COIL: variants seen among roughly 807,000 people sequenced by gnomAD.
COIL encodes coilin p80.
COIL carries 28 observed loss-of-function variants against 51.6 expected under a neutral mutation model. That is an observed-to-expected ratio of 0.54 (90% confidence interval 0.40 to 0.74). The LOEUF (loss-of-function observed/expected upper bound fraction) is 0.74, where lower values mean the gene tolerates loss of function less well. Among genes scored for constraint, COIL ranks in the 30% least tolerant of loss-of-function variants. The pLI is 0.00. For missense variants in COIL, 667 were observed against 685.9 expected, an observed-to-expected ratio of 0.97 and a Z score of 0.31; for synonymous variants, 233 against 255.8, an observed-to-expected ratio of 0.91 and a Z score of 0.85.
intron 1 of COIL, among the ~76,000 whole-genome samples, chr17:56,956,626 C>T (rs1335609251): frequency 6.6e-6 from 1 of 152,008 alleles, no homozygotes; most frequent in Admixed American, 6.6e-5. Context: ...GGGTCTCACT[C>T]TGTCGCCCAG....
chr17:56,950,440 C>A lies in COIL; in HGVS notation c.802G>T (p.Ala268Ser). 1 of 1,614,182 alleles carries A rather than the reference C, an allele frequency of 6.2e-7. No homozygotes were observed. The highest frequency in any genetic ancestry group is 8.5e-7 in the Non-Finnish European group (1 of 1,180,038). ...GGTAATTTCTCTGAGGAATTTCTGG[C>A]CTCCAAAGTGACTTTGCTGGGACCA... ...SDGPSKVTLE[A>S]RNSSEKLPTE... Residue 268 changes from alanine to serine, a missense_variant, in exon 2 of 7, where the codon GCC (alanine) becomes TCC (serine). Physicochemically the swap from Ala to Ser is moderately conservative, Grantham distance 99. Coordinates refer to ENST00000240316, the MANE Select transcript of COIL (RefSeq NM_004645.3).
intron 6 of COIL, among the ~76,000 whole-genome samples, chr17:56,939,727 G>A (rs1910110454): frequency 1.3e-5 from 2 of 152,138 alleles, no homozygotes; most frequent in Non-Finnish European, 2.9e-5. Context: ...GTGACAGAGT[G>A]AAACTCTGTG....
rs758916416 is a variant in COIL at position 56,950,035 on chromosome 17, A to C, written c.1207T>G (p.Ser403Ala). 3 of 1,614,074 alleles carry C rather than the reference A, an allele frequency of 1.9e-6. No homozygotes were observed. In the Admixed American group the frequency reaches 5.0e-5, roughly 27 times the overall value. ...RGWGREENLF[S>A]WKGAKGRGMR... ...CCCCGTCCCTTAGCTCCCTTCCAAG[A>C]AAAAAGGTTCTCTTCTCTACCCCAT... Residue 403 changes from serine to alanine, a missense_variant, in exon 2 of 7, where the codon TCT becomes GCT. Coordinates refer to ENST00000240316, the MANE Select transcript of COIL (RefSeq NM_004645.3).
intron 1 of COIL, among the ~76,000 whole-genome samples, chr17:56,957,931 A>C (rs1910513570): frequency 6.6e-6 from 1 of 152,230 alleles, no homozygotes; most frequent in Admixed American, 6.5e-5. Flanking sequence ...AGGAAACAGC[A>C]GTGGAACACA....
At chr17:56,953,886 C>T (rs1362240880) in intron 1 of COIL, among the ~76,000 whole-genome samples, 1 of 152,150 alleles carries the variant, frequency 6.6e-6, no homozygotes, top group Non-Finnish European at 1.5e-5. Flanking sequence ...TATAAAAACA[C>T]ATTCCCCTCT....
intron 6 of COIL, 127 bp from the exon 7 acceptor site, chr17:56,939,281 A>G: frequency 1.3e-5 from 8 of 635,266 alleles, no homozygotes; most frequent in Non-Finnish European, 2.3e-5. Flanking sequence ...GTTCCAATAA[A>G]CTGAGTTCAA....
At chr17:56,955,309 C>T (rs1263305425) in intron 1 of COIL, among the ~76,000 whole-genome samples, 3 of 152,152 alleles carry the variant, frequency 2.0e-5, no homozygotes, top group African/African-American at 4.8e-5. Flanking sequence ...CTGATTCGCC[C>T]GCCTCGGCCT....
chr17:56,944,708 T>C (rs1379150938), intron 5 of COIL, among the ~76,000 whole-genome samples: 1 of 152,078 alleles, frequency 6.6e-6, no homozygotes, highest in African/African-American at 2.4e-5. Context: ...AATCTTTTAT[T>C]CAATCCCTTA....
Position 56,960,960 on chromosome 17 carries a change from G to C in COIL, c.60C>G (p.Thr20=). 3.7e-6 allele frequency: 6 copies of C among 1,614,184 alleles called. No homozygotes were observed. The highest frequency in any genetic ancestry group is 5.1e-6 in the Non-Finnish European group (6 of 1,180,030). ...GAAGCCAGAAGGCCGTACAGTGCGG[G>C]GTAGCTGGCGGCGGGTAATCAAATT... ...RLQFDYPPPA[T]PHCTAFWLLV... is the part of the protein sequence containing the mutation. Residue 20 remains threonine, a synonymous_variant, in exon 1 of 7, where the codon ACC becomes ACG. Coordinates refer to ENST00000240316, the MANE Select transcript of COIL (RefSeq NM_004645.3).
At chr17:56,949,788 T>G in intron 2 of COIL, 21 bp from the exon 3 acceptor site, 1 of 1,612,404 alleles carries the variant, frequency 6.2e-7, no homozygotes, top group Non-Finnish European at 8.5e-7. Context: ...GTGTTAGTCA[T>G]GTGACATCAT....
In COIL at chr17:56,950,634, G is replaced by A. The variant is rs147507221; in HGVS notation, c.608C>T (p.Pro203Leu). 197 of 1,612,544 alleles carry A rather than the reference G, an allele frequency of 1.2e-4. 1 individual carries two copies. The highest frequency in any genetic ancestry group is 7.9e-4 in the Admixed American group (47 of 59,634). Residue 203 changes from proline to leucine, a missense_variant, in exon 2 of 7, where the codon CCG becomes CTG. Transcript: ENST00000240316. The part of the protein sequence containing the change: ...YKKKAKNPKS[P>L]KVQAVKDWAN... ...CCAGTCTTTCACTGCCTGTACTTTC[G>A]GAGACTTGGGATTCTTAGCCTTTTT...
intron 1 of COIL, among the ~76,000 whole-genome samples, chr17:56,956,999 G>A (rs978613072): frequency 1.3e-5 from 2 of 152,202 alleles, no homozygotes; most frequent in Non-Finnish European, 2.9e-5. Flanking sequence ...GCCGGGGGCA[G>A]TGGCTCAGGC....
intron 6 of COIL, among the ~76,000 whole-genome samples, chr17:56,939,677 T>C (rs1355184942): frequency 2.6e-5 from 4 of 151,870 alleles, no homozygotes; most frequent in Admixed American, 6.6e-5. Flanking sequence ...TAGGTGGAGG[T>C]TGCAGTGAGC....
intron 1 of COIL, 135 bp from the exon 2 acceptor site, chr17:56,951,131 CA>C: frequency 2.3e-6 from 2 of 873,568 alleles, no homozygotes; most frequent in Non-Finnish European, 3.3e-6. Flanking sequence ...CACTTAAAGA[CA>C]AAAGACTCTT....
At chr17:56,952,794 T>TGC (rs1333725044) in intron 1 of COIL, among the ~76,000 whole-genome samples, 1 of 149,072 alleles carries the variant, frequency 6.7e-6, no homozygotes, top group African/African-American at 2.4e-5. Flanking sequence ...TGAGTATTTG[T>TGC]GTGTGTGTGT....
chr17:56,954,629 C>T (rs150507204), intron 1 of COIL, among the ~76,000 whole-genome samples: 3 of 152,066 alleles, frequency 2.0e-5, no homozygotes, highest in East Asian at 1.9e-4. Flanking sequence ...GTGATTCCTG[C>T]AGCCCCACTA....
At chr17:56,943,028 T>C (rs192064758) in intron 5 of COIL, among the ~76,000 whole-genome samples, 108 of 152,354 alleles carry the variant, frequency 7.1e-4, no homozygotes, top group Middle Eastern at 3.4e-3. Context: ...GTAATTACAT[T>C]AGGAACACTA....
intron 4 of COIL, among the ~76,000 whole-genome samples, chr17:56,948,228 G>A (rs368018185): frequency 5.5e-4 from 80 of 145,334 alleles, no homozygotes; most frequent in African/African-American, 1.8e-3. Flanking sequence ...TCTGCCTCCC[G>A]GGTTCACGCC....
At chr17:56,956,015 G>C (rs1193074749) in intron 1 of COIL, among the ~76,000 whole-genome samples, 1 of 152,194 alleles carries the variant, frequency 6.6e-6, no homozygotes, top group Non-Finnish European at 1.5e-5. Context: ...GCAAGGTGCA[G>C]AACAGTATGT....
Sources: gnomAD v4.1 joint callset for allele counts (sites outside exome capture counted in the v4.1 genomes callset) on GRCh38, gnomAD v4.1.1 for gene constraint, MANE v1.5 for transcripts, NCBI Gene and HGNC (gene_info 2026-07-23, HGNC 2026-07-21) for gene names.